ZNF567: variants seen among roughly 807,000 people sequenced by gnomAD.
The protein encoded by ZNF567 is zinc finger protein 567.
A neutral mutation model predicts 53.9 loss-of-function variants in ZNF567; 36 were observed. The observed-to-expected ratio is 0.67, with a 90% CI of 0.51 to 0.88. The LOEUF (loss-of-function observed/expected upper bound fraction) is 0.88. Ranked by LOEUF, ZNF567 falls within the 40% of genes least tolerant of loss-of-function variation. ZNF567 has a pLI of 0.00. For synonymous variants in ZNF567, 224 were observed against 260.4 expected (o/e 0.86, Z 1.35); for missense variants, 619 against 764.7 (o/e 0.81, Z 2.25).
chr19:36,708,001 T>C (rs1568700883), intron 3 of ZNF567, among the ~76,000 whole-genome samples: 1 of 152,096 alleles, frequency 6.6e-6, no homozygotes, highest in Non-Finnish European at 1.5e-5. Flanking sequence ...GCTCAAGCGA[T>C]CCCCCCACCT....
the ZNF567 span, among the ~76,000 whole-genome samples, chr19:36,675,350 G>T: frequency 1.3e-5 from 2 of 151,708 alleles, no homozygotes; most frequent in Non-Finnish European, 2.9e-5. Flanking sequence ...AGACCACTCT[G>T]GGAAACAGAA....
At chr19:36,670,606 C>T in the ZNF567 span, among the ~76,000 whole-genome samples, 2 of 152,136 alleles carry the variant, frequency 1.3e-5, no homozygotes, top group Non-Finnish European at 2.9e-5. Flanking sequence ...TTAACACATC[C>T]TCTGCTACCT....
chr19:36,682,608 TTATTA>T (rs1293132975), upstream of ZNF567, among the ~76,000 whole-genome samples: 11 of 146,642 alleles, frequency 7.5e-5, no homozygotes, highest in Admixed American at 2.8e-4. Flanking sequence ...ATTATTATTA[TTATTA>T]TTTTTTTTTT....
the ZNF567 span, among the ~76,000 whole-genome samples, chr19:36,670,182 CT>C: frequency 2.0e-5 from 3 of 152,020 alleles, no homozygotes; most frequent in African/African-American, 7.2e-5. Context: ...GGAGTTTTAG[CT>C]CAGGTCTGTC....
At chr19:36,672,098 A>T in the ZNF567 span, among the ~76,000 whole-genome samples, 1 of 152,230 alleles carries the variant, frequency 6.6e-6, no homozygotes, top group Non-Finnish European at 1.5e-5. Context: ...CCACCTGGAC[A>T]GCGCTACAGT....
upstream of ZNF567, chr19:36,687,487 T>C (rs938739134): frequency 6.6e-6 from 1 of 152,224 alleles, no homozygotes; most frequent in African/African-American, 2.4e-5. Context: ...CCCGGGCGCC[T>C]GTGGGAAATG....
At chr19:36,710,690 G>A (rs1445670231) in intron 3 of ZNF567, among the ~76,000 whole-genome samples, 2 of 152,222 alleles carry the variant, frequency 1.3e-5, no homozygotes, top group Non-Finnish European at 2.9e-5. Context: ...GAATTGGTGA[G>A]TGTTTAGATT....
chr19:36,720,814 T>C lies in ZNF567; in HGVS notation c.*146T>C, dbSNP rs1366289487. On this transcript the variant is annotated 3_prime_UTR_variant, in exon 6 of 6. Coordinates refer to ENST00000682579, the MANE Select transcript of ZNF567 (RefSeq NM_001322917.1). ...ACCATACGGAATAACTGTCTACTGT[T>C]TACTAGCATATAAAATAAGTATGAT... 7.7e-6 allele frequency: 5 copies of C among 649,560 alleles called. No homozygotes were observed. Among genetic ancestry groups the C allele is most frequent in the African/African-American group, 7.4e-5 (4 of 53,824 alleles). 40.2% of individuals were successfully genotyped at this position (649,560 alleles called of 1,614,324 possible). A position where few individuals can be genotyped will look rare whatever the true frequency, so the allele number is the denominator to read the frequency against.
chr19:36,680,645 C>T, the ZNF567 span, among the ~76,000 whole-genome samples: 1 of 152,168 alleles, frequency 6.6e-6, no homozygotes, highest in African/African-American at 2.4e-5. Flanking sequence ...AGTTTACTCT[C>T]TCACATTCTG....
intron 5 of ZNF567, among the ~76,000 whole-genome samples, chr19:36,715,346 A>C (rs2039991402): frequency 6.6e-6 from 1 of 150,554 alleles, no homozygotes; most frequent in African/African-American, 2.4e-5. Flanking sequence ...TTTTTAGTAG[A>C]GATGGGGTTT....
At chr19:36,692,726 A>T (rs1255012050) in intron 2 of ZNF567, among the ~76,000 whole-genome samples, 1 of 152,148 alleles carries the variant, frequency 6.6e-6, no homozygotes, top group Non-Finnish European at 1.5e-5. Context: ...AGATGTGACC[A>T]TTGTGGAGAC....
rs1471183162 is a variant in ZNF567 at position 36,709,664 on chromosome 19, A to AT, written c.10-2721dup. Among the ~76,000 whole-genome samples the AT allele has an allele frequency of 4.1e-5, 6 of 145,684 alleles. No homozygotes were observed. The Admixed American group carries it at 4.1e-4, about 10-fold the overall frequency. ...TTTTGATGGTGCAGTCCTGCTGGTG[A>AT]TGTTGCCCAGGCTGATCTCAAACTC... On this transcript the variant is annotated intron_variant, in intron 3 of 5. Transcript: ENST00000682579.
the ZNF567 span, among the ~76,000 whole-genome samples, chr19:36,667,644 CTTTT>C: frequency 6.9e-6 from 1 of 145,400 alleles, no homozygotes; most frequent in Admixed American, 6.9e-5. Flanking sequence ...TTTCACTCAA[CTTTT>C]TTTTTTTCTT....
chr19:36,711,470 A>C (rs3108213), intron 3 of ZNF567: 46,917 of 152,062 alleles, frequency 0.31, 7,357 homozygotes, highest in African/African-American at 0.37. Flanking sequence ...GCTATCCTTC[A>C]AGGATAAGCT....
chr19:36,693,684 G>A (rs1280277979), intron 2 of ZNF567, among the ~76,000 whole-genome samples: 2 of 152,226 alleles, frequency 1.3e-5, no homozygotes, highest in Non-Finnish European at 2.9e-5. Flanking sequence ...ATAACTGTAA[G>A]GTGATCCTGG....
rs747025967 is a variant in ZNF567, at chr19:36,712,409, G to C, written c.33G>C (p.Val11=). The C allele has an allele frequency of 6.2e-7, 1 of 1,613,956 alleles. No individual in the cohort carries two copies. The highest frequency in any genetic ancestry group is 8.5e-7 in the Non-Finnish European group (1 of 1,179,934). The change falls in exon 4 of 6, where the codon GTG becomes GTC. Residue 11 remains valine, a synonymous_variant. Transcript: ENST00000682579. MAQGSVSFND[V]TVDFTQEEWQ... is the part of the protein sequence containing the mutation. ...AGGGATCAGTGTCTTTCAATGATGT[G>C]ACTGTGGACTTCACTCAGGAGGAGT...
chr19:36,672,648 A>G, the ZNF567 span, among the ~76,000 whole-genome samples: 26 of 152,280 alleles, frequency 1.7e-4, no homozygotes, highest in South Asian at 1.0e-3. Context: ...TGGCTCCCCA[A>G]TATGGCACCA....
In ZNF567 at chr19:36,720,159, T is replaced by C. The variant is rs145308976; in HGVS notation, c.1435T>C (p.Cys479Arg). ...ACATACAGGGGAGAAATCTTATGAA[T>C]GTCCTCACTGTGGGAAGGCCTTTAG... ...RTHTGEKSYE[C>R]PHCGKAFRMK... The change falls in exon 6 of 6, where the codon TGT becomes CGT. Residue 479 changes from cysteine (C) to arginine (R), a missense_variant. Coordinates refer to ENST00000682579, the MANE Select transcript of ZNF567 (RefSeq NM_001322917.1). The C allele has an allele frequency of 8.7e-6, 14 of 1,613,848 alleles. No individual in the cohort carries two copies. The highest frequency in any genetic ancestry group is 1.2e-5 in the Non-Finnish European group (14 of 1,180,004).
At chr19:36,715,527 T>A (rs1166060287) in intron 5 of ZNF567, among the ~76,000 whole-genome samples, 1 of 129,586 alleles carries the variant, frequency 7.7e-6, no homozygotes. Context: ...TTATTATTAT[T>A]ATTATTATTA....
Sources: gnomAD v4.1 joint callset for allele counts (sites outside exome capture counted in the v4.1 genomes callset) on GRCh38, gnomAD v4.1.1 for gene constraint, MANE v1.5 for transcripts, NCBI Gene and HGNC (gene_info 2026-07-23, HGNC 2026-07-21) for gene names.